The following AFAP1L2 variants were observed in gnomAD, a reference collection of about 807,000 sequenced individuals.
AFAP1L2 encodes actin filament-associated protein 1-like 2.
A neutral mutation model predicts 99.3 loss-of-function variants in AFAP1L2; 46 were observed. That is an observed-to-expected ratio of 0.46 (90% CI 0.37 to 0.59). The LOEUF is 0.59. AFAP1L2 is among the 20% of genes least tolerant of loss of function. AFAP1L2 has a pLI of 0.00. For synonymous variants in AFAP1L2, 397 were observed against 419.1 expected, an observed-to-expected ratio of 0.95 and a Z score of 0.64; for missense variants, 959 against 1,034.9, an observed-to-expected ratio of 0.93 and a Z score of 1.01.
chr10:114,398,986 C>T, intron 1 of AFAP1L2: 1 of 1,182,492 alleles, frequency 8.5e-7, no homozygotes, highest in Non-Finnish European at 1.1e-6. Flanking sequence ...CTGGAATCTG[C>T]CTTTGAGATT....
At chr10:114,342,961 T>C (rs1293733856) in intron 1 of AFAP1L2, among the ~76,000 whole-genome samples, 1 of 152,216 alleles carries the variant, frequency 6.6e-6, no homozygotes, top group Non-Finnish European at 1.5e-5. Context: ...CAATAAATAT[T>C]TGTTGACTAA....
At chr10:114,289,713 C>T in the AFAP1L2 span, 5 of 585,520 alleles carry the variant, frequency 8.5e-6, no homozygotes, top group Admixed American at 1.2e-4. Context: ...ACATAGATAA[C>T]TCCCCCCAAA....
intron 1 of AFAP1L2, among the ~76,000 whole-genome samples, chr10:114,369,042 G>A (rs1315988367): frequency 6.6e-6 from 1 of 152,172 alleles, no homozygotes; most frequent in African/African-American, 2.4e-5. Context: ...AAAATTAGAA[G>A]AGGAACAAAA....
At chr10:114,402,111 A>G (rs1017093284) in intron 1 of AFAP1L2, among the ~76,000 whole-genome samples, 41 of 152,148 alleles carry the variant, frequency 2.7e-4, no homozygotes, top group African/African-American at 8.9e-4. Flanking sequence ...AACTAAATAA[A>G]CCTGCTTTTT....
At chr10:114,392,109 A>G (rs905475241) in intron 1 of AFAP1L2, among the ~76,000 whole-genome samples, 4 of 152,144 alleles carry the variant, frequency 2.6e-5, no homozygotes, top group Admixed American at 6.5e-5. Context: ...TAGAAAGAAG[A>G]GCACAGGGGC....
chr10:114,356,684 C>T (rs192034082), intron 1 of AFAP1L2, among the ~76,000 whole-genome samples: 1 of 152,348 alleles, frequency 6.6e-6, no homozygotes, highest in African/African-American at 2.4e-5. Context: ...GAGAAAGGGA[C>T]TTCATCCAAG....
At position 114,301,438 on chromosome 10, in the gene AFAP1L2, G is replaced by A; in HGVS notation, c.1458C>T (p.Pro486=). ...TAGGCAGGCCATCGATGTAAGTGTTGGGCTCTGAGAACTTTCTCTGCATCA... is the reference window on the plus strand; with the variant it reads ...TAGGCAGGCCATCGATGTAAGTGTTAGGCTCTGAGAACTTTCTCTGCATCA... ...LLLMQRKFSE[P]NTYIDGLPSQ... Residue 486 remains proline, a synonymous_variant, in exon 13 of 19, where the codon CCC becomes CCT. Coordinates refer to ENST00000304129, the MANE Select transcript of AFAP1L2 (RefSeq NM_001001936.3). The A allele has an allele frequency of 6.2e-7, 1 of 1,614,126 alleles. No individual in the cohort carries two copies. Among genetic ancestry groups the A allele is most frequent in the Non-Finnish European group, 8.5e-7 (1 of 1,179,948 alleles).
At chr10:114,300,797 C>T (rs1201946754) in intron 13 of AFAP1L2, 107 bp from the exon 14 acceptor site, 2 of 1,436,398 alleles carry the variant, frequency 1.4e-6, no homozygotes, top group East Asian at 2.3e-5. Context: ...TCACAGTGTT[C>T]CAAGAGATCT....
Position 114,340,609 on chromosome 10 carries a change from T to C in AFAP1L2, c.139A>G (p.Ser47Gly), listed in dbSNP as rs1462583238. Residue 47 changes from serine to glycine, a missense_variant, in exon 2 of 19, where the codon AGC (serine) becomes GGC (glycine). Coordinates refer to ENST00000304129, the MANE Select transcript of AFAP1L2 (RefSeq NM_001001936.3). ...ACCCAGGGCCCACACTCACTGCTGC[T>C]TTTGGTGTAAAGCCGGAGGAGCTCC... Reference protein sequence around the residue: ...LAELLRLYTKSSSSDEEYIYM... With the variant: ...LAELLRLYTKGSSSDEEYIYM... The C allele has an allele frequency of 6.2e-7, 1 of 1,613,994 alleles. No individual in the cohort carries two copies. Among genetic ancestry groups the C allele is most frequent in the East Asian group, 2.2e-5 (1 of 44,878 alleles).
At chr10:114,355,663 C>T (rs1426794323) in intron 1 of AFAP1L2, among the ~76,000 whole-genome samples, 1 of 152,112 alleles carries the variant, frequency 6.6e-6, no homozygotes, top group Non-Finnish European at 1.5e-5. Context: ...AATAAAGGCA[C>T]ATACTCTATC....
intron 1 of AFAP1L2, among the ~76,000 whole-genome samples, chr10:114,384,747 G>A (rs1349605898): frequency 6.6e-6 from 1 of 152,182 alleles, no homozygotes; most frequent in Non-Finnish European, 1.5e-5. Context: ...CGGCCTACTG[G>A]GGGCTGTGCC....
At chr10:114,348,366 T>C (rs1008889995) in intron 1 of AFAP1L2, among the ~76,000 whole-genome samples, 6 of 152,214 alleles carry the variant, frequency 3.9e-5, no homozygotes, top group African/African-American at 9.6e-5. Flanking sequence ...TTGTGCCTTT[T>C]ATAGGCAGCC....
the AFAP1L2 span, chr10:114,289,078 G>T: frequency 1.2e-6 from 2 of 1,614,174 alleles, no homozygotes; most frequent in Admixed American, 3.3e-5. Flanking sequence ...GACACAGGTC[G>T]GCCTGGTGGT....
At chr10:114,335,685 C>T (rs2047862088) in intron 2 of AFAP1L2, among the ~76,000 whole-genome samples, 1 of 152,142 alleles carries the variant, frequency 6.6e-6, no homozygotes, top group Admixed American at 6.5e-5. Context: ...GCATTGAACT[C>T]TACCCAATCG....
At chr10:114,287,523 A>C in the AFAP1L2 span, among the ~76,000 whole-genome samples, 1 of 151,968 alleles carries the variant, frequency 6.6e-6, no homozygotes, top group South Asian at 2.1e-4. Context: ...TGGGCATGGG[A>C]AGCTACAGAT....
Position 114,404,324 on chromosome 10 carries a change from G to A in AFAP1L2, c.16+116C>T, listed in dbSNP as rs186090403. ...TCTTAGGCCCAGGTCCGGGCTGGGT[G>A]GGGGCAGTGGGCTCTGCTTATCCCG... On this transcript the variant is annotated intron_variant, in intron 1 of 18. Transcript: ENST00000304129. 644 of 1,191,850 alleles carry A rather than the reference G, an allele frequency of 5.4e-4. 8 individuals are homozygous for A. In the East Asian group the frequency reaches 0.015, roughly 28 times the overall value. 73.8% of individuals were successfully genotyped at this position (1,191,850 alleles called of 1,614,324 possible).
chr10:114,400,699 A>G (rs1321541399), intron 1 of AFAP1L2, among the ~76,000 whole-genome samples: 3 of 152,114 alleles, frequency 2.0e-5, no homozygotes, highest in African/African-American at 7.2e-5. Flanking sequence ...TTGACATTTC[A>G]TGTTTTTTGG....
intron 1 of AFAP1L2, among the ~76,000 whole-genome samples, chr10:114,381,472 T>G (rs1766362733): frequency 6.6e-6 from 1 of 152,158 alleles, no homozygotes; most frequent in Admixed American, 6.5e-5. Flanking sequence ...TGAACTGTGA[T>G]GATGGTGGCC....
intron 10 of AFAP1L2, among the ~76,000 whole-genome samples, chr10:114,306,815 T>C (rs530816804): frequency 1.3e-5 from 2 of 152,096 alleles, no homozygotes; most frequent in South Asian, 4.2e-4. Flanking sequence ...CCCAGCCACA[T>C]CTCTTAAACA....
Sources: gnomAD v4.1 joint callset for allele counts (sites outside exome capture counted in the v4.1 genomes callset) on GRCh38, gnomAD v4.1.1 for gene constraint, MANE v1.5 for transcripts, NCBI Gene and HGNC (gene_info 2026-07-23, HGNC 2026-07-21) for gene names.